Variants in CPZ observed in about 807,000 individuals in gnomAD.
CPZ encodes the protein VEZT/CPZ fusion.
A neutral mutation model predicts 61.8 loss-of-function variants in CPZ; 103 were observed. The observed-to-expected ratio is 1.67, with a 90% CI of 1.42 to 1.96. The LOEUF (loss-of-function observed/expected upper bound fraction) is 1.96, where lower values mean the gene tolerates loss of function less well. Ranked by LOEUF, CPZ falls within the 30% of genes most tolerant of loss-of-function variation. CPZ has a pLI of 0.00. For missense variants in CPZ, 1,461 were observed against 914.9 expected, an observed-to-expected ratio of 1.60 and a Z score of -7.70; for synonymous variants, 551 against 373.7, an observed-to-expected ratio of 1.47 and a Z score of -5.47.
intron 1 of CPZ, among the ~76,000 whole-genome samples, chr4:8,598,499 G>T (rs1714343132): frequency 6.6e-6 from 1 of 152,188 alleles, no homozygotes; most frequent in Non-Finnish European, 1.5e-5. Flanking sequence ...CAGCCTGCTT[G>T]CCCCCTTCTC....
intron 9 of CPZ, among the ~76,000 whole-genome samples, chr4:8,615,729 G>C (rs3756161): frequency 0.031 from 4,650 of 152,312 alleles, 122 homozygotes; most frequent in South Asian, 0.12. Flanking sequence ...AGAGTGACAT[G>C]GCCTGTCTGG....
rs1560297956 is a variant in CPZ at position 8,609,137 on chromosome 4, T to TCTCATTA, written c.1227+1712_1227+1713insCTCATTA. Among the ~76,000 whole-genome samples the TCTCATTA allele has an allele frequency of 2.0e-4, 6 of 29,292 alleles. No individual in the cohort carries two copies. In the South Asian group the frequency reaches 2.7e-3, roughly 13 times the overall value. 19.2% of individuals were successfully genotyped at this position (29,292 alleles called of 152,430 possible). On this transcript the variant is annotated intron_variant, in intron 7 of 10. Transcript: ENST00000360986. ...TCACTCCCTCACTCATTCACTCATT[T>TCTCATTA]ACTCATTCACCCACTCCCTCACTCA...
In CPZ at chr4:8,614,409, G is replaced by C; in HGVS notation, c.1414G>C (p.Glu472Gln). ...LHTNCFEITV[E>Q]LGCVKFPPEE... is the part of the protein sequence containing the mutation. ...CACCAACTGCTTTGAGATCACGGTAGAGCTGGGCTGTGTGAAGTTCCCCCC... is the reference window on the plus strand; with the variant it reads ...CACCAACTGCTTTGAGATCACGGTACAGCTGGGCTGTGTGAAGTTCCCCCC... The change falls in exon 9 of 11, where the codon GAG becomes CAG. Residue 472 changes from glutamate to glutamine, a missense_variant. Transcript: ENST00000360986. 1 of 1,614,068 alleles carries C rather than the reference G, an allele frequency of 6.2e-7. No homozygotes were observed. The highest frequency in any genetic ancestry group is 2.2e-5 in the East Asian group (1 of 44,886).
chr4:8,598,163 G>A (rs139079885), intron 1 of CPZ, among the ~76,000 whole-genome samples: 3 of 152,346 alleles, frequency 2.0e-5, no homozygotes, highest in Non-Finnish European at 4.4e-5. Context: ...GGAGTGCCTG[G>A]TGGAGGACTA....
intron 8 of CPZ, among the ~76,000 whole-genome samples, 184 bp from the exon 9 acceptor site, chr4:8,614,175 G>A (rs898815997): frequency 4.6e-5 from 7 of 152,234 alleles, no homozygotes; most frequent in South Asian, 2.1e-4. Flanking sequence ...AGGGGCGTCT[G>A]TGGCGAGTAC....
At chr4:8,616,869 G>T (rs1351264749) in intron 9 of CPZ, among the ~76,000 whole-genome samples, 1 of 152,224 alleles carries the variant, frequency 6.6e-6, no homozygotes, top group Non-Finnish European at 1.5e-5. Flanking sequence ...TCCAGGGTGG[G>T]GGTCACGAGC....
rs763337609 is a variant in CPZ, at chr4:8,612,121, G to A, written c.1322G>A (p.Gly441Glu). Residue 441 changes from glycine (G) to glutamate (E), a missense_variant, in exon 8 of 11, where the codon GGG becomes GAG. Gly to Glu is a moderately conservative substitution (Grantham distance 98, BLOSUM62 -2). Transcript: ENST00000360986. ...TGTGGAGGCAATTTCCTGAAGAGGG[G>A]GAGCATCATCAACGGGGCGGACTGG... The part of the protein sequence containing the change: ...NRCGGNFLKR[G>E]SIINGADWYS... 2.8e-5 allele frequency: 45 copies of A among 1,609,116 alleles called. No homozygotes were observed. The Admixed American group carries it at 6.7e-4, about 24-fold the overall frequency.
Position 8,619,419 on chromosome 4 carries a change from A to G in CPZ, c.1761A>G (p.Gly587=), listed in dbSNP as rs370761733. The part of the protein sequence containing the change: ...VDFILQPLGM[G]PKNFIHGLRR... ...TCATTCTGCAACCTCTGGGGATGGG[A>G]CCCAAGAACTTTATTCATGGGCTGC... is the stretch of plus-strand genomic sequence containing the variant. Residue 587 remains glycine (G), a synonymous_variant, in exon 11 of 11, where the codon GGA becomes GGG. Transcript: ENST00000360986. The G allele has an allele frequency of 9.9e-6, 16 of 1,613,884 alleles. No individual in the cohort carries two copies. The African/African-American group carries it at 1.7e-4, about 18-fold the overall frequency.
At chr4:8,600,978 C>G (rs952266504) in intron 2 of CPZ, 145 bp from the exon 3 acceptor site, 1 of 1,411,202 alleles carries the variant, frequency 7.1e-7, no homozygotes, top group African/African-American at 1.4e-5. Context: ...TGCACAGTAG[C>G]TGTTGTCCTG....
intron 1 of CPZ, among the ~76,000 whole-genome samples, chr4:8,596,945 A>G (rs1714223784): frequency 6.6e-6 from 1 of 152,174 alleles, no homozygotes; most frequent in Non-Finnish European, 1.5e-5. Context: ...TGAGTGAATA[A>G]ACAAAGTTCC....
chr4:8,594,472 C>T lies in CPZ; in HGVS notation c.88+1551C>T, dbSNP rs3775882. On this transcript the variant is annotated intron_variant, in intron 1 of 10. Coordinates refer to ENST00000360986, the MANE Select transcript of CPZ (RefSeq NM_001014447.3). Reference sequence around the variant, plus strand: ...GGGTCTGGGATTCAGATTCTGACTCCTCAACTCTGCTGTGTGACCTGGGCA... The same window carrying T: ...GGGTCTGGGATTCAGATTCTGACTCTTCAACTCTGCTGTGTGACCTGGGCA... 1.3e-3 allele frequency among the ~76,000 whole-genome samples: 201 copies of T among 152,300 alleles called. 6 individuals are homozygous for T. In the East Asian group the frequency reaches 0.034, roughly 26 times the overall value.
At chr4:8,613,155 C>T (rs1156517484) in intron 8 of CPZ, among the ~76,000 whole-genome samples, 13 of 135,668 alleles carry the variant, frequency 9.6e-5, no homozygotes, top group African/African-American at 3.4e-4. Flanking sequence ...TTTTTTGAGA[C>T]GGAGTCTCGC....
chr4:8,594,477 C>T (rs1188041627), intron 1 of CPZ, among the ~76,000 whole-genome samples: 2 of 152,204 alleles, frequency 1.3e-5, no homozygotes, highest in African/African-American at 4.8e-5. Flanking sequence ...GACTCCTCAA[C>T]TCTGCTGTGT....
chr4:8,611,520 G>A (rs769993913), intron 7 of CPZ, among the ~76,000 whole-genome samples: 2 of 152,200 alleles, frequency 1.3e-5, no homozygotes, highest in Non-Finnish European at 2.9e-5. Flanking sequence ...TGCAGGCTGA[G>A]TCCCAGCCTC....
chr4:8,607,148 A>C (rs909703446), intron 6 of CPZ, 119 bp from the exon 7 acceptor site: 1 of 1,262,984 alleles, frequency 7.9e-7, no homozygotes, highest in Admixed American at 2.4e-5. Flanking sequence ...TGGTGCGTTG[A>C]TGTAGAGACC....
chr4:8,594,895 C>G (rs1294946160), intron 1 of CPZ, among the ~76,000 whole-genome samples: 2 of 152,122 alleles, frequency 1.3e-5, no homozygotes, highest in African/African-American at 4.8e-5. Context: ...GGCTCAGCCT[C>G]CCGAGTAGCT....
intron 7 of CPZ, among the ~76,000 whole-genome samples, chr4:8,608,242 C>G (rs1162452983): frequency 1.3e-5 from 2 of 152,134 alleles, no homozygotes; most frequent in African/African-American, 4.8e-5. Context: ...CTCCACCTGG[C>G]CCCTTGATGG....
At chr4:8,611,860 T>G (rs1715724537) in intron 7 of CPZ, among the ~76,000 whole-genome samples, 167 bp from the exon 8 acceptor site, 1 of 152,026 alleles carries the variant, frequency 6.6e-6, no homozygotes, top group African/African-American at 2.4e-5. Context: ...TCACATACAC[T>G]GTGTCCTCTG....
At chr4:8,613,250 G>C (rs1469978117) in intron 8 of CPZ, among the ~76,000 whole-genome samples, 1 of 151,768 alleles carries the variant, frequency 6.6e-6, no homozygotes. Flanking sequence ...TCCTGCCTCA[G>C]CCTCCCGAGT....
Sources: allele counts gnomAD v4.1 joint callset (sites outside exome capture counted in the v4.1 genomes callset), GRCh38; gene constraint gnomAD v4.1.1; transcripts MANE v1.5; gene names NCBI Gene and HGNC (gene_info 2026-07-23, HGNC 2026-07-21).